PLXNA4: variants seen among roughly 807,000 people sequenced by gnomAD.
The protein encoded by PLXNA4 is plexin A4, also known as plexin-A4.
A neutral mutation model predicts 191.8 loss-of-function variants in PLXNA4; 44 were observed. The observed-to-expected ratio is 0.23, with a 90% confidence interval of 0.18 to 0.29. The LOEUF is 0.29. Among genes scored for constraint, PLXNA4 ranks in the 10% least tolerant of loss-of-function variants. PLXNA4 has a pLI of 1.00. For synonymous variants in PLXNA4, 1,082 were observed against 1,009.5 expected, an observed-to-expected ratio of 1.07 and a Z score of -1.36; for missense variants, 1,800 against 2,488.8, an observed-to-expected ratio of 0.72 and a Z score of 5.89.
rs75878164 is a variant in PLXNA4 at position 132,486,649 on chromosome 7, A to G, written c.1371+2643T>C. Among the ~76,000 whole-genome samples the G allele has an allele frequency of 0.014, 2,085 of 152,336 alleles. 241 individuals carry two copies. In the East Asian group the frequency reaches 0.29, roughly 21 times the overall value. On this transcript the variant is annotated intron_variant, in intron 3 of 31. Transcript: ENST00000321063. ...TGACCCTTGCGCTCTTACCTTTCAA[A>G]TGTTTATGCCTCACCAGCCCCACCA... is the stretch of plus-strand genomic sequence containing the variant.
chr7:132,281,321 C>T (rs904442891), intron 4 of PLXNA4, among the ~76,000 whole-genome samples: 2 of 152,056 alleles, frequency 1.3e-5, no homozygotes, highest in Non-Finnish European at 2.9e-5. Flanking sequence ...CAGTCTCATG[C>T]ACCAATTATG....
rs1796095542 is a variant in PLXNA4 at position 132,450,892 on chromosome 7, C to T, written c.1371+38400G>A. On this transcript the variant is annotated intron_variant, in intron 3 of 31. Transcript: ENST00000321063. ...CCACATGGATGAGTCAGTCCCTAGT[C>T]CTCTTGTTTTATGGCTCAAGGTCCT... is the stretch of plus-strand genomic sequence containing the variant. 2.6e-5 allele frequency among the ~76,000 whole-genome samples: 4 copies of T among 152,166 alleles called. 1 individual carries two copies. The South Asian group carries it at 8.3e-4, about 32-fold the overall frequency.
chr7:132,622,414 T>C (rs1803285440), intron 2 of PLXNA4, among the ~76,000 whole-genome samples: 1 of 152,276 alleles, frequency 6.6e-6, no homozygotes, highest in South Asian at 2.1e-4. Flanking sequence ...GATTAGCTCA[T>C]TAAAATGATT....
intron 3 of PLXNA4, among the ~76,000 whole-genome samples, chr7:132,487,559 C>T (rs150309330): frequency 6.6e-6 from 1 of 152,316 alleles, no homozygotes; most frequent in Non-Finnish European, 1.5e-5. Context: ...GTACTTCTCT[C>T]CTCAGTGTGG....
intron 2 of PLXNA4, among the ~76,000 whole-genome samples, chr7:132,623,647 G>C (rs1319229634): frequency 2.0e-5 from 3 of 152,166 alleles, no homozygotes; most frequent in African/African-American, 7.2e-5. Flanking sequence ...GGAGGACCTA[G>C]AGTCCCTCCT....
intron 2 of PLXNA4, among the ~76,000 whole-genome samples, chr7:132,588,316 C>T (rs1362876226): frequency 6.6e-6 from 1 of 151,962 alleles, no homozygotes; most frequent in Non-Finnish European, 1.5e-5. Flanking sequence ...GCATTCTTAT[C>T]TCTCCCTTGG....
At chr7:132,362,088 T>A (rs1181559905) in intron 3 of PLXNA4, among the ~76,000 whole-genome samples, 1 of 152,156 alleles carries the variant, frequency 6.6e-6, no homozygotes. Context: ...CACCAGGGGT[T>A]CTCTTAATCA....
At chr7:132,505,588 T>G (rs1455374371) in intron 2 of PLXNA4, among the ~76,000 whole-genome samples, 1 of 152,210 alleles carries the variant, frequency 6.6e-6, no homozygotes, top group Non-Finnish European at 1.5e-5. Context: ...ATGGGTGTCC[T>G]GCAGGCAAGG....
chr7:132,236,720 C>T (rs754627744), intron 5 of PLXNA4, among the ~76,000 whole-genome samples: 3 of 152,120 alleles, frequency 2.0e-5, no homozygotes, highest in Non-Finnish European at 4.4e-5. Flanking sequence ...TGAGTGTGGA[C>T]ACAGCACTCC....
intron 3 of PLXNA4, among the ~76,000 whole-genome samples, chr7:132,430,857 G>A (rs1795232725): frequency 6.6e-6 from 1 of 151,784 alleles, no homozygotes; most frequent in South Asian, 2.3e-4. Context: ...TAAGCAAGGA[G>A]TCTCTTTAAA....
chr7:132,363,545 T>C (rs1469984855), intron 3 of PLXNA4, among the ~76,000 whole-genome samples: 1 of 152,250 alleles, frequency 6.6e-6, no homozygotes, highest in Non-Finnish European at 1.5e-5. Context: ...GACTGAATAT[T>C]ATTCCATTAT....
intron 2 of PLXNA4, among the ~76,000 whole-genome samples, chr7:132,618,288 G>A (rs916972036): frequency 2.6e-5 from 4 of 152,162 alleles, no homozygotes; most frequent in Admixed American, 2.6e-4. Flanking sequence ...CATGGCCCAT[G>A]AACTCCTATA....
intron 1 of PLXNA4, among the ~76,000 whole-genome samples, chr7:132,522,179 G>C (rs1457527571): frequency 6.6e-6 from 1 of 152,142 alleles, no homozygotes; most frequent in Non-Finnish European, 1.5e-5. Context: ...GCTCCATGCA[G>C]AGGGGACAAC....
At chr7:132,162,817 G>A (rs375161357) in intron 24 of PLXNA4, among the ~76,000 whole-genome samples, 3 of 152,116 alleles carry the variant, frequency 2.0e-5, no homozygotes, top group East Asian at 3.9e-4. Flanking sequence ...TTTGGAAAAT[G>A]AGAGTGGGAT....
Position 132,128,282 on chromosome 7 carries a change from A to AG in PLXNA4, c.*2196_*2197insC, listed in dbSNP as rs1554446240. ...CACTTGCCAAAACCTTTGGTTATTTATTTTTTTTCTTCCTCTTCCAATGCA... is the reference window on the plus strand; with the variant it reads ...CACTTGCCAAAACCTTTGGTTATTTAGTTTTTTTTCTTCCTCTTCCAATGCA... On this transcript the variant is annotated 3_prime_UTR_variant, in exon 32 of 32. Transcript: ENST00000321063. 6.6e-6 allele frequency: 1 copy of AG among 151,938 alleles called. No homozygotes were observed. Among genetic ancestry groups the AG allele is most frequent in the Non-Finnish European group, 1.5e-5 (1 of 67,992 alleles). The allele number at this position is 151,938 out of a possible 1,614,324, so 9.4% of individuals were successfully genotyped here.
rs1287896185 is a variant in PLXNA4 at position 132,406,989 on chromosome 7, G to C, written c.1371+82303C>G. ...TGATAAGGAAAACAAGCCCAAACGGGATTTCCACTTTCATAAGAACCCTTC... is the reference window on the plus strand; with the variant it reads ...TGATAAGGAAAACAAGCCCAAACGGCATTTCCACTTTCATAAGAACCCTTC... On this transcript the variant is annotated intron_variant, in intron 3 of 31. Coordinates refer to ENST00000321063, the MANE Select transcript of PLXNA4 (RefSeq NM_020911.2). Among the ~76,000 whole-genome samples, 4 of 152,194 alleles carry C rather than the reference G, an allele frequency of 2.6e-5. No individual in the cohort carries two copies. The East Asian group carries it at 7.7e-4, about 29-fold the overall frequency.
At chr7:132,311,780 A>C (rs563402780) in intron 3 of PLXNA4, among the ~76,000 whole-genome samples, 3 of 152,318 alleles carry the variant, frequency 2.0e-5, no homozygotes, top group Non-Finnish European at 2.9e-5. Context: ...CCAGAAATTC[A>C]TGAGTCCTGG....
At position 132,178,389 on chromosome 7, in the gene PLXNA4, A is replaced by C. The variant is rs1796547254; in HGVS notation, c.3874+1298T>G. Among the ~76,000 whole-genome samples the C allele has an allele frequency of 1.3e-5, 2 of 152,136 alleles. 1 individual carries two copies. Among genetic ancestry groups the C allele is most frequent in the South Asian group, 4.1e-4 (2 of 4,822 alleles). On this transcript the variant is annotated intron_variant, in intron 20 of 31. Coordinates refer to ENST00000321063, the MANE Select transcript of PLXNA4 (RefSeq NM_020911.2). ...CTCCCAGTTGGGGTGCTCGGCCCAC[A>C]GGGAGCAGAAGGAGGGAGTTGGCTT... is the stretch of plus-strand genomic sequence containing the variant.
chr7:132,132,655 A>G (rs1339450039), intron 31 of PLXNA4, among the ~76,000 whole-genome samples: 1 of 151,812 alleles, frequency 6.6e-6, no homozygotes, highest in Non-Finnish European at 1.5e-5. Context: ...ATTCTATTCT[A>G]CAACATACCA....
Sources: allele counts gnomAD v4.1 joint callset (sites outside exome capture counted in the v4.1 genomes callset), GRCh38; gene constraint gnomAD v4.1.1; transcripts MANE v1.5; gene names NCBI Gene and HGNC (gene_info 2026-07-23, HGNC 2026-07-21).